Variants in UHMK1 observed in about 807,000 individuals in gnomAD.
UHMK1 encodes U2AF homology motif kinase 1.
UHMK1 carries 18 observed loss-of-function variants against 44.0 expected under a neutral mutation model. That is an observed-to-expected ratio of 0.41 (90% CI 0.28 to 0.61). The LOEUF (loss-of-function observed/expected upper bound fraction) is 0.61, where lower values mean the gene tolerates loss of function less well. UHMK1 is among the 20% of genes least tolerant of loss of function. The pLI is 0.31. For synonymous variants in UHMK1, 231 were observed against 198.5 expected (o/e 1.16, Z -1.38); for missense variants, 463 against 522.5 (o/e 0.89, Z 1.11).
At chr1:162,510,017 T>C (rs1651611828) in intron 4 of UHMK1, among the ~76,000 whole-genome samples, 1 of 152,226 alleles carries the variant, frequency 6.6e-6, no homozygotes, top group South Asian at 2.1e-4. Context: ...AATGGTCTTT[T>C]TATGCCACAA....
At chr1:162,518,801 A>G (rs532466606) in intron 7 of UHMK1, among the ~76,000 whole-genome samples, 4 of 152,078 alleles carry the variant, frequency 2.6e-5, no homozygotes, top group African/African-American at 9.6e-5. Context: ...AGCCTGGCCA[A>G]CATGGTGAAC....
At chr1:162,504,438 A>T (rs1197363900) in intron 4 of UHMK1, among the ~76,000 whole-genome samples, 1 of 152,244 alleles carries the variant, frequency 6.6e-6, no homozygotes, top group African/African-American at 2.4e-5. Flanking sequence ...TAAATGATAC[A>T]GACTTCTGCC....
Position 162,522,707 on chromosome 1 carries a change from T to C in UHMK1, c.*157T>C. 1.2e-6 allele frequency: 1 copy of C among 828,010 alleles called. No homozygotes were observed. The highest frequency in any genetic ancestry group is 1.9e-5 in the South Asian group (1 of 53,506). 51.3% of individuals were successfully genotyped at this position (828,010 alleles called of 1,614,324 possible). ...GCCATTGCCCAAGCAGTGACTGCGT[T>C]GCATACATTTGGCACTGAGTAGGAC... On this transcript the variant is annotated 3_prime_UTR_variant, in exon 8 of 8. Coordinates refer to ENST00000489294, the MANE Select transcript of UHMK1 (RefSeq NM_175866.5).
At chr1:162,521,476 C>T (rs1652058245) in intron 7 of UHMK1, among the ~76,000 whole-genome samples, 1 of 152,060 alleles carries the variant, frequency 6.6e-6, no homozygotes, top group African/African-American at 2.4e-5. Flanking sequence ...AGGGAGGGGA[C>T]AGGGTCTTGC....
chr1:162,518,186 G>A lies in UHMK1; in HGVS notation c.1109G>A (p.Gly370Glu). ...GTTCCAAAGGAAAATCCTGGCAGAGGACAAGTAAGTGAATATTTTCATAAT... is the reference window on the plus strand; with the variant it reads ...GTTCCAAAGGAAAATCCTGGCAGAGAACAAGTAAGTGAATATTTTCATAAT... ...LLVPKENPGR[G>E]QVFVEYANAG... Residue 370 changes from glycine to glutamate, a missense_variant, in exon 7 of 8, where the codon GGA becomes GAA. This residue lies in a region of UHMK1 where 264 missense variants were observed against 326.3 expected (regional missense o/e 0.81). Coordinates refer to ENST00000489294, the MANE Select transcript of UHMK1 (RefSeq NM_175866.5). 6.2e-7 allele frequency: 1 copy of A among 1,606,634 alleles called. No individual in the cohort carries two copies. The highest frequency in any genetic ancestry group is 8.5e-7 in the Non-Finnish European group (1 of 1,173,478).
rs185106800 is a variant in UHMK1, at chr1:162,529,103, C to T, written c.*6553C>T. ...AGGAGTAATCTCTCCTGTTGGTTTA[C>T]CTTCACCTCAGAACTACAAGAATAT... On this transcript the variant is annotated 3_prime_UTR_variant, in exon 8 of 8. Coordinates refer to ENST00000489294, the MANE Select transcript of UHMK1 (RefSeq NM_175866.5). 43 of 152,172 alleles carry T rather than the reference C, an allele frequency of 2.8e-4. 2 individuals carry two copies. The highest frequency in any genetic ancestry group is 8.5e-4 in the Admixed American group (13 of 15,288). 9.4% of individuals were successfully genotyped at this position (152,172 alleles called of 1,614,324 possible). A position where few individuals can be genotyped will look rare whatever the true frequency, so the allele number is the denominator to read the frequency against.
At chr1:162,509,703 A>T (rs925326193) in intron 4 of UHMK1, among the ~76,000 whole-genome samples, 1 of 152,130 alleles carries the variant, frequency 6.6e-6, no homozygotes, top group African/African-American at 2.4e-5. Context: ...GTGCAGTGGC[A>T]CGATCTCGGC....
chr1:162,506,824 A>T (rs1009612122), intron 4 of UHMK1, among the ~76,000 whole-genome samples: 9 of 152,072 alleles, frequency 5.9e-5, no homozygotes, highest in Admixed American at 2.0e-4. Flanking sequence ...AGATCGTGCC[A>T]CTGCAATTCA....
intron 4 of UHMK1, among the ~76,000 whole-genome samples, chr1:162,504,434 A>G (rs1651395768): frequency 6.6e-6 from 1 of 152,208 alleles, no homozygotes. Context: ...AATGTAAATG[A>G]TACAGACTTC....
chr1:162,506,866 G>GA (rs993606805), intron 4 of UHMK1, among the ~76,000 whole-genome samples: 25 of 146,722 alleles, frequency 1.7e-4, no homozygotes, highest in African/African-American at 3.5e-4. Flanking sequence ...TCTGTCTCAA[G>GA]AAAAAAAAAA....
chr1:162,516,954 T>C (rs546893231), intron 6 of UHMK1, among the ~76,000 whole-genome samples: 2 of 152,204 alleles, frequency 1.3e-5, no homozygotes, highest in African/African-American at 4.8e-5. Context: ...AAATTATAAA[T>C]TTATGTCAAT....
At chr1:162,520,900 A>G (rs886138048) in intron 7 of UHMK1, among the ~76,000 whole-genome samples, 6 of 152,214 alleles carry the variant, frequency 3.9e-5, no homozygotes, top group African/African-American at 9.6e-5. Context: ...AAGATACAGA[A>G]TAGAGAGACA....
chr1:162,498,394 C>T, intron 1 of UHMK1, 126 bp downstream of exon 1: 1 of 1,166,524 alleles, frequency 8.6e-7, no homozygotes, highest in South Asian at 1.6e-5. Flanking sequence ...CTCTTTATCA[C>T]CCCATCCAGG....
intron 3 of UHMK1, 135 bp from the exon 4 acceptor site, chr1:162,503,619 A>G: frequency 1.7e-6 from 1 of 595,074 alleles, no homozygotes; most frequent in Non-Finnish European, 2.8e-6. Flanking sequence ...TCCAAAAAAA[A>G]AAAAAAAAAA....
rs1652308483 is a variant in UHMK1, at chr1:162,527,989, C to T, written c.*5439C>T. The T allele has an allele frequency of 6.6e-6, 1 of 151,766 alleles. No homozygotes were observed. The highest frequency in any genetic ancestry group is 1.5e-5 in the Non-Finnish European group (1 of 67,866). The allele number at this position is 151,766 out of a possible 1,614,324, so 9.4% of individuals were successfully genotyped here. A position where few individuals can be genotyped will look rare whatever the true frequency, so the allele number is the denominator to read the frequency against. On this transcript the variant is annotated 3_prime_UTR_variant, in exon 8 of 8. Transcript: ENST00000489294. ...AATCAGAGCTACTTGTTACCATAAG[C>T]CCTTACTATCAACAAGATAATTATT...
chr1:162,504,096 C>A (rs1278502076), intron 4 of UHMK1, among the ~76,000 whole-genome samples: 1 of 152,140 alleles, frequency 6.6e-6, no homozygotes. Flanking sequence ...ATAGCCCTGG[C>A]AGTTCTGGAT....
rs947138098 is a variant in UHMK1, at chr1:162,525,821, G to A, written c.*3271G>A. 4 of 152,150 alleles carry A rather than the reference G, an allele frequency of 2.6e-5. No homozygotes were observed. Among genetic ancestry groups the A allele is most frequent in the African/African-American group, 9.6e-5 (4 of 41,520 alleles). 9.4% of individuals were successfully genotyped at this position (152,150 alleles called of 1,614,324 possible). On this transcript the variant is annotated 3_prime_UTR_variant, in exon 8 of 8. Transcript: ENST00000489294. ...AAAAACCATAAGTATGGTTTTACTC[G>A]AACTTCTCTTTGTTTTTATTGAGAG... is the stretch of plus-strand genomic sequence containing the variant.
intron 4 of UHMK1, among the ~76,000 whole-genome samples, chr1:162,508,053 T>C (rs780211942): frequency 1.3e-5 from 2 of 152,044 alleles, no homozygotes; most frequent in African/African-American, 2.4e-5. Context: ...TGATTTTCAA[T>C]TTTTTTTCTG....
At chr1:162,500,425 C>T (rs1651227347) in intron 2 of UHMK1, 178 bp downstream of exon 2, 2 of 740,600 alleles carry the variant, frequency 2.7e-6, no homozygotes, top group Admixed American at 3.1e-5. Flanking sequence ...AAAAAAAGGA[C>T]ATAATGTTTG....
Sources: allele counts gnomAD v4.1 joint callset (sites outside exome capture counted in the v4.1 genomes callset), GRCh38; gene constraint gnomAD v4.1.1; regional missense constraint gnomAD v4.1.1; transcripts MANE v1.5; gene names NCBI Gene and HGNC (gene_info 2026-07-23, HGNC 2026-07-21).